EXD1: variants seen among roughly 807,000 people sequenced by gnomAD.
EXD1 encodes the protein piRNA biogenesis protein EXD1.
EXD1 carries 63 observed loss-of-function variants against 49.1 expected under a neutral mutation model. That is an observed-to-expected ratio of 1.28 (90% CI 1.05 to 1.58). The LOEUF (loss-of-function observed/expected upper bound fraction) is 1.58. Ranked by LOEUF, EXD1 falls within the 40% of genes most tolerant of loss-of-function variation. The pLI, the probability that EXD1 is intolerant of heterozygous loss-of-function variation, is 0.00. For synonymous variants in EXD1, 234 were observed against 239.2 expected, an observed-to-expected ratio of 0.98 and a Z score of 0.20; for missense variants, 748 against 666.0, an observed-to-expected ratio of 1.12 and a Z score of -1.36.
intron 11 of EXD1, among the ~76,000 whole-genome samples, chr15:41,187,033 C>T (rs922078381): frequency 3.3e-5 from 5 of 151,880 alleles, no homozygotes; most frequent in African/African-American, 4.8e-5. Flanking sequence ...TACAGGCATG[C>T]GCCACCATGC....
At chr15:41,201,110 G>A (rs2046722240) in intron 7 of EXD1, among the ~76,000 whole-genome samples, 1 of 152,054 alleles carries the variant, frequency 6.6e-6, no homozygotes, top group Non-Finnish European at 1.5e-5. Context: ...CTAACCTCAG[G>A]TGATCTGCCT....
rs1169390291 is a variant in EXD1, at chr15:41,191,570, GA to G, written c.735del (p.Gln246SerfsTer21). ...TAGCCACCCGTTTCCATGGAAAACT[GA>G]AGTACATCTGCTACCTGTGGTATTT... ...NVFDTQVADV[L>X]QFSMETGGYL... On this transcript the variant is annotated frameshift_variant, in exon 10 of 12. Coordinates refer to ENST00000458580, the MANE Select transcript of EXD1 (RefSeq NM_001286441.2). LOFTEE classifies it high-confidence loss of function. 6.2e-7 allele frequency: 1 copy of G among 1,613,978 alleles called. No homozygotes were observed. The highest frequency in any genetic ancestry group is 8.5e-7 in the Non-Finnish European group (1 of 1,179,972).
rs139032309 is a variant in EXD1 at position 41,210,932 on chromosome 15, G to A, written c.448-1345C>T. ...ATTCTGAGTATCTCTCATCAATGAT[G>A]AGAAAATGGCACTGAATTTCAGCTT... On this transcript the variant is annotated intron_variant, in intron 6 of 11. Transcript: ENST00000458580. Among the ~76,000 whole-genome samples the A allele has an allele frequency of 8.5e-4, 130 of 152,272 alleles. 1 individual carries two copies. The highest frequency in any genetic ancestry group is 3.1e-3 in the African/African-American group (127 of 41,556).
intron 7 of EXD1, among the ~76,000 whole-genome samples, chr15:41,207,060 G>A (rs1158278155): frequency 6.8e-6 from 1 of 146,168 alleles, no homozygotes; most frequent in Non-Finnish European, 1.5e-5. Flanking sequence ...GGCCAACGTG[G>A]TGAAACCCCG....
intron 2 of EXD1, among the ~76,000 whole-genome samples, chr15:41,220,683 G>C (rs1163525891): frequency 6.6e-6 from 1 of 152,158 alleles, no homozygotes; most frequent in Non-Finnish European, 1.5e-5. Flanking sequence ...TTAGGAGAAG[G>C]TTAGATGCCA....
rs761524628 is a variant in EXD1 at position 41,216,702 on chromosome 15, G to C, written c.354C>G (p.Thr118=). The C allele has an allele frequency of 6.2e-6, 10 of 1,613,498 alleles. No individual in the cohort carries two copies. The South Asian group carries it at 1.1e-4, about 18-fold the overall frequency. The change falls in exon 5 of 12, where the codon ACC becomes ACG. Residue 118 remains threonine, a synonymous_variant. Transcript: ENST00000458580. ...PASPAPEAPA[T]SLLNDLKYSP... ...TGTACTTGAGGTCATTCAGCAGAGA[G>C]GTAGCTGGTGCTTCAGGGGCAGGAG...
intron 2 of EXD1, among the ~76,000 whole-genome samples, chr15:41,221,774 T>G (rs573622533): frequency 1.3e-5 from 2 of 151,962 alleles, no homozygotes; most frequent in Non-Finnish European, 2.9e-5. Context: ...GCATGGACTA[T>G]TCTTCTCAGC....
intron 1 of EXD1, among the ~76,000 whole-genome samples, chr15:41,228,389 A>G (rs1566998135): frequency 6.6e-6 from 1 of 152,226 alleles, no homozygotes; most frequent in Non-Finnish European, 1.5e-5. Context: ...TGCTTATACA[A>G]ATATTACTTG....
At chr15:41,225,841 C>T (rs967859749) in intron 2 of EXD1, among the ~76,000 whole-genome samples, 4 of 150,966 alleles carry the variant, frequency 2.6e-5, no homozygotes, top group South Asian at 2.1e-4. Context: ...TGAGCTATCA[C>T]GCCACTGCAC....
intron 3 of EXD1, among the ~76,000 whole-genome samples, chr15:41,217,529 C>CTTTTTTTTTT (rs3033817): frequency 7.9e-6 from 1 of 127,138 alleles, no homozygotes; most frequent in African/African-American, 3.2e-5. Flanking sequence ...GAGGGTTTTC[C>CTTTTTTTTTT]TTTTTTTTTT....
chr15:41,191,619 G>C, intron 9 of EXD1, 34 bp from the exon 10 acceptor site: 1 of 1,600,340 alleles, frequency 6.2e-7, no homozygotes, highest in Non-Finnish European at 8.5e-7. Flanking sequence ...CAGACCAGTT[G>C]AATATATACA....
Position 41,193,992 on chromosome 15 carries a change from A to G in EXD1, c.720+1783T>C, listed in dbSNP as rs572983327. 2.7e-5 allele frequency among the ~76,000 whole-genome samples: 4 copies of G among 147,792 alleles called. No homozygotes were observed. The East Asian group carries it at 8.0e-4, about 29-fold the overall frequency. On this transcript the variant is annotated intron_variant, in intron 9 of 11. Transcript: ENST00000458580. Reference sequence around the variant, plus strand: ...ACCCAGGTAGGCCCTAAATGGAATGACAAGTGATTTTTTTTTTTTTTTTTT... The same window carrying G: ...ACCCAGGTAGGCCCTAAATGGAATGGCAAGTGATTTTTTTTTTTTTTTTTT...
intron 4 of EXD1, 62 bp downstream of exon 4, chr15:41,217,035 G>A: frequency 1.4e-6 from 2 of 1,462,442 alleles, no homozygotes; most frequent in Non-Finnish European, 1.9e-6. Flanking sequence ...TAGAGTTAAG[G>A]CTTTCTACCC....
chr15:41,187,876 G>A (rs547328911), intron 11 of EXD1, among the ~76,000 whole-genome samples: 18 of 151,764 alleles, frequency 1.2e-4, no homozygotes, highest in Non-Finnish European at 2.2e-4. Context: ...TTAGCCAGGC[G>A]GGGTGGTGCA....
At chr15:41,224,120 G>A (rs2047128642) in intron 2 of EXD1, among the ~76,000 whole-genome samples, 1 of 151,964 alleles carries the variant, frequency 6.6e-6, no homozygotes, top group South Asian at 2.1e-4. Context: ...TGTATTTTTA[G>A]TAGAGACAGG....
intron 7 of EXD1, among the ~76,000 whole-genome samples, chr15:41,206,653 G>A (rs919617155): frequency 2.1e-3 from 227 of 109,508 alleles, no homozygotes; most frequent in Middle Eastern, 0.01. Context: ...AAGGAGTCTC[G>A]CTTTGTTGCC....
chr15:41,226,176 C>T (rs938804745), intron 2 of EXD1, among the ~76,000 whole-genome samples: 14 of 150,426 alleles, frequency 9.3e-5, no homozygotes, highest in African/African-American at 3.2e-4. Flanking sequence ...GGTGTGAACC[C>T]GGGAGGCAGA....
intron 2 of EXD1, among the ~76,000 whole-genome samples, chr15:41,225,198 A>C (rs146681838): frequency 6.6e-6 from 1 of 152,330 alleles, no homozygotes; most frequent in Non-Finnish European, 1.5e-5. Flanking sequence ...TTTGTAAGAA[A>C]AAATTTAACC....
In EXD1 at chr15:41,200,961, C is replaced by T. The variant is rs1487640877; in HGVS notation, c.535-4924G>A. Reference sequence around the variant, plus strand: ...TGATCTCGGCTCACTGCAACCTCCACCTCCCAGGTTCCAGCAATTCTCCTG... The same window carrying T: ...TGATCTCGGCTCACTGCAACCTCCATCTCCCAGGTTCCAGCAATTCTCCTG... On this transcript the variant is annotated intron_variant, in intron 7 of 11. Transcript: ENST00000458580. Among the ~76,000 whole-genome samples the T allele has an allele frequency of 2.7e-5, 4 of 150,240 alleles. No homozygotes were observed. In the East Asian group the frequency reaches 7.9e-4, roughly 30 times the overall value.
Sources: gnomAD v4.1 joint callset for allele counts (sites outside exome capture counted in the v4.1 genomes callset) on GRCh38, gnomAD v4.1.1 for gene constraint, MANE v1.5 for transcripts, NCBI Gene and HGNC (gene_info 2026-07-23, HGNC 2026-07-21) for gene names.